Variants in CNBD1 observed in about 807,000 individuals in gnomAD.
The protein encoded by CNBD1 is cyclic nucleotide-binding domain-containing protein 1.
In CNBD1, 71 loss-of-function variants were observed where a neutral mutation model predicts 54.4. The ratio of observed to expected loss-of-function variants is 1.30; its 90% CI spans 1.08 to 1.59. The LOEUF (loss-of-function observed/expected upper bound fraction) is 1.59, where lower values mean the gene tolerates loss of function less well. Among genes scored for constraint, CNBD1 ranks in the 40% most tolerant of loss-of-function variants. The pLI is 0.00. For synonymous variants in CNBD1, 182 were observed against 170.7 expected, an observed-to-expected ratio of 1.07 and a Z score of -0.51; for missense variants, 659 against 518.0, an observed-to-expected ratio of 1.27 and a Z score of -2.64.
At position 87,419,885 on chromosome 8, in the gene CNBD1, A is replaced by G. The variant is rs540636125; in HGVS notation, c.214-8661A>G. On this transcript the variant is annotated intron_variant, in intron 2 of 7. Transcript: ENST00000521593. The stretch of plus-strand genomic sequence containing the variant: ...ATTTAATTCGCCCATGGTAAACTTT[A>G]TATTGAAACCTGATAAGGACTTTAC... 5.3e-5 allele frequency among the ~76,000 whole-genome samples: 8 copies of G among 151,156 alleles called. No homozygotes were observed. In the East Asian group the frequency reaches 1.4e-3, roughly 26 times the overall value.
At chr8:87,301,733 T>C (rs1458624034) in intron 8 of CNBD1, among the ~76,000 whole-genome samples, 1 of 151,948 alleles carries the variant, frequency 6.6e-6, no homozygotes, top group African/African-American at 2.4e-5. Flanking sequence ...ACAAAAGTGA[T>C]AGACCACTAG....
downstream of CNBD1, among the ~76,000 whole-genome samples, chr8:87,384,573 A>G (rs569363192): frequency 1.6e-4 from 24 of 152,160 alleles, no homozygotes; most frequent in Admixed American, 3.9e-4. Context: ...ATTAAACTGC[A>G]TAAAGTCTTA....
chr8:87,264,709 T>C (rs1808212266), intron 6 of CNBD1, among the ~76,000 whole-genome samples: 1 of 152,174 alleles, frequency 6.6e-6, no homozygotes, highest in South Asian at 2.1e-4. Context: ...TGTGAGATGA[T>C]ATCTCATTGT....
intron 4 of CNBD1, among the ~76,000 whole-genome samples, chr8:87,002,816 C>T (rs1809020667): frequency 1.3e-5 from 2 of 152,116 alleles, no homozygotes. Flanking sequence ...TCTGTCTCCT[C>T]TTTCTAAAAT....
At chr8:87,312,207 A>T (rs1373732807) in intron 8 of CNBD1, among the ~76,000 whole-genome samples, 1 of 152,088 alleles carries the variant, frequency 6.6e-6, no homozygotes. Context: ...CCCAAAAATA[A>T]AACTACTATA....
Position 87,084,863 on chromosome 8 carries a change from C to T in CNBD1, c.432-121130C>T, listed in dbSNP as rs557137996. ...GCTAATTTTGTATTTTTAGTTGAGA[C>T]GGGGTTTTTCCATGTTGGTCAGGCT... On this transcript the variant is annotated intron_variant, in intron 4 of 10. Transcript: ENST00000518476. Among the ~76,000 whole-genome samples, 10 of 151,966 alleles carry T rather than the reference C, an allele frequency of 6.6e-5. No homozygotes were observed. The South Asian group carries it at 8.3e-4, about 13-fold the overall frequency.
At chr8:87,405,667 G>C (rs1313173579) in intron 2 of CNBD1, among the ~76,000 whole-genome samples, 1 of 152,054 alleles carries the variant, frequency 6.6e-6, no homozygotes, top group Admixed American at 6.6e-5. Context: ...TATGTCATAG[G>C]CATTATTCAT....
At chr8:87,382,594 CTTGT>C (rs777953468) in intron 10 of CNBD1, 22 bp from the exon 11 acceptor site, 36 of 1,530,048 alleles carry the variant, frequency 2.4e-5, no homozygotes, top group South Asian at 1.8e-4. Flanking sequence ...TATGTAACTT[CTTGT>C]TTGTTTGTTT....
At chr8:86,946,123 A>G (rs1414237632) in intron 4 of CNBD1, among the ~76,000 whole-genome samples, 7 of 152,100 alleles carry the variant, frequency 4.6e-5, no homozygotes. Flanking sequence ...AATGTTACAT[A>G]CTGTGATTGC....
intron 8 of CNBD1, among the ~76,000 whole-genome samples, chr8:87,300,744 G>A (rs1808971454): frequency 1.3e-5 from 2 of 151,952 alleles, no homozygotes; most frequent in African/African-American, 4.8e-5. Context: ...TCCAATGTTT[G>A]GAGGGTGAAG....
At chr8:87,391,810 A>T (rs1811315567) in intron 2 of CNBD1, among the ~76,000 whole-genome samples, 1 of 152,092 alleles carries the variant, frequency 6.6e-6, no homozygotes, top group South Asian at 2.1e-4. Flanking sequence ...CAAAAGCCCA[A>T]CCAAAAAATG....
chr8:87,379,671 G>T (rs1586064463), intron 10 of CNBD1, among the ~76,000 whole-genome samples: 1 of 151,826 alleles, frequency 6.6e-6, no homozygotes, highest in Admixed American at 6.6e-5. Context: ...TTAAATTAAT[G>T]ATGAAACATT....
chr8:87,074,415 A>C (rs1810824860), intron 4 of CNBD1, among the ~76,000 whole-genome samples: 1 of 152,002 alleles, frequency 6.6e-6, no homozygotes, highest in Non-Finnish European at 1.5e-5. Context: ...ATTCTTCCCC[A>C]TTCCTAGGGA....
chr8:87,304,966 C>T (rs558902972), intron 8 of CNBD1, among the ~76,000 whole-genome samples: 62 of 152,180 alleles, frequency 4.1e-4, no homozygotes, highest in African/African-American at 1.4e-3. Flanking sequence ...GGAAGTCAAA[C>T]TGCCACTGTT....
intron 8 of CNBD1, among the ~76,000 whole-genome samples, chr8:87,308,316 C>A (rs9297301): frequency 0.57 from 86,026 of 151,830 alleles, 26,034 homozygotes; most frequent in African/African-American, 0.78. Context: ...CAATTTTTAC[C>A]AAAAAAATCA....
chr8:86,943,465 T>G (rs1247713569), intron 4 of CNBD1, among the ~76,000 whole-genome samples: 1 of 152,016 alleles, frequency 6.6e-6, no homozygotes, highest in Non-Finnish European at 1.5e-5. Flanking sequence ...CTTAATCATG[T>G]TAATTACATC....
intron 10 of CNBD1, among the ~76,000 whole-genome samples, chr8:87,375,132 T>A (rs1190876491): frequency 6.6e-6 from 1 of 151,898 alleles, no homozygotes; most frequent in Non-Finnish European, 1.5e-5. Flanking sequence ...CACTATTGCA[T>A]CTAAGTTTTA....
chr8:86,880,786 C>T (rs559049570), intron 1 of CNBD1, among the ~76,000 whole-genome samples: 45 of 152,112 alleles, frequency 3.0e-4, no homozygotes, highest in Admixed American at 1.4e-3. Context: ...AACAAAATAT[C>T]GGCAAACCCA....
intron 4 of CNBD1, among the ~76,000 whole-genome samples, chr8:87,047,493 C>G (rs1810220573): frequency 6.6e-6 from 1 of 152,190 alleles, no homozygotes; most frequent in Non-Finnish European, 1.5e-5. Context: ...GACTAAAAAG[C>G]ATTCCTGCCT....
Sources: gnomAD v4.1 joint callset for allele counts (sites outside exome capture counted in the v4.1 genomes callset) on GRCh38, gnomAD v4.1.1 for gene constraint, MANE v1.5 for transcripts, NCBI Gene and HGNC (gene_info 2026-07-23, HGNC 2026-07-21) for gene names.